TMEM63B: variants seen among roughly 807,000 people sequenced by gnomAD.
TMEM63B encodes transmembrane protein 63B.
A neutral mutation model predicts 102.6 loss-of-function variants in TMEM63B; 23 were observed. The ratio of observed to expected loss-of-function variants is 0.22; its 90% CI spans 0.16 to 0.32. TMEM63B has a LOEUF of 0.32. Ranked by LOEUF, TMEM63B falls within the 10% of genes least tolerant of loss-of-function variation. The pLI, the probability that TMEM63B is intolerant of heterozygous loss-of-function variation, is 1.00. For synonymous variants in TMEM63B, 444 were observed against 437.0 expected (o/e 1.02, Z -0.20); for missense variants, 628 against 1,095.9 (o/e 0.57, Z 6.03).
intron 10 of TMEM63B, among the ~76,000 whole-genome samples, chr6:44,141,358 T>C (rs1190918643): frequency 6.6e-6 from 1 of 152,230 alleles, no homozygotes; most frequent in Non-Finnish European, 1.5e-5. Flanking sequence ...TCCTCCTGGC[T>C]CAGACTGGGT....
At chr6:44,146,575 T>G (rs1765461240) in intron 10 of TMEM63B, among the ~76,000 whole-genome samples, 1 of 152,012 alleles carries the variant, frequency 6.6e-6, no homozygotes, top group African/African-American at 2.4e-5. Context: ...CTCAGCCTCC[T>G]GAGTAGCTGG....
At position 44,148,380 on chromosome 6, in the gene TMEM63B, C is replaced by T. The variant is rs368199758; in HGVS notation, c.1116C>T (p.Thr372=). The T allele has an allele frequency of 4.8e-5, 77 of 1,614,248 alleles. No homozygotes were observed. Among genetic ancestry groups the T allele is most frequent in the Non-Finnish European group, 6.1e-5 (72 of 1,180,040 alleles). ...TCACCTTCCACAATGAGACTATCAC[C>T]GCCATGTGAGTCCCCAACTCGGCCC... ...AFVTFHNETI[T]AIILKDFNVC... is the part of the protein sequence containing the mutation. The change falls in exon 13 of 24, where the codon ACC becomes ACT. Residue 372 remains threonine (T), a synonymous_variant. Coordinates refer to ENST00000323267, the MANE Select transcript of TMEM63B (RefSeq NM_018426.3). The surrounding 1 kb of genome is among the most constrained non-coding windows in gnomAD (Gnocchi z 5.1).
chr6:44,153,559 G>A lies in TMEM63B; in HGVS notation c.1943-117G>A, dbSNP rs573448260. 43 of 1,242,478 alleles carry A rather than the reference G, an allele frequency of 3.5e-5. No homozygotes were observed. The East Asian group carries it at 4.2e-4, about 12-fold the overall frequency. The allele number at this position is 1,242,478 out of a possible 1,614,324, so 77.0% of individuals were successfully genotyped here. ...GGGGCACTATCCCGTCCTGGGGCCC[G>A]GGCAGGAGGAGGGGGCCAACCCTTC... On this transcript the variant is annotated intron_variant, in intron 20 of 23. Coordinates refer to ENST00000323267, the MANE Select transcript of TMEM63B (RefSeq NM_018426.3).
intron 5 of TMEM63B, among the ~76,000 whole-genome samples, chr6:44,137,284 C>T: frequency 6.6e-6 from 1 of 152,182 alleles, no homozygotes; most frequent in Non-Finnish European, 1.5e-5. Context: ...CTGCCTGGCT[C>T]TCCATCATTA....
chr6:44,140,988 G>T (rs372108714), intron 9 of TMEM63B, 40 bp from the exon 10 acceptor site: 1 of 1,604,950 alleles, frequency 6.2e-7, no homozygotes. Context: ...CTCCACTGGG[G>T]TCAAGCCTCA....
At chr6:44,147,349 TA>T (rs750686971) in intron 11 of TMEM63B, 27 bp from the exon 12 acceptor site, 288 of 1,613,898 alleles carry the variant, frequency 1.8e-4, no homozygotes, top group Non-Finnish European at 2.4e-4. Flanking sequence ...GCCCCAGATG[TA>T]GGTGACCAGG....
In TMEM63B at chr6:44,139,077, C is replaced by G. The variant is rs112329727; in HGVS notation, c.408-390C>G. On this transcript the variant is annotated intron_variant, in intron 6 of 23. Coordinates refer to ENST00000323267, the MANE Select transcript of TMEM63B (RefSeq NM_018426.3). ...GCCTCTTTCACCACTCCTCCTCCTG[C>G]TGGTCCTCCTCCTCTCTTGCCTTCC... is the stretch of plus-strand genomic sequence containing the variant. 2,510 of 269,112 alleles carry G rather than the reference C, an allele frequency of 9.3e-3. 71 individuals carry two copies. Among genetic ancestry groups the G allele is most frequent in the African/African-American group, 0.048 (2,205 of 45,920 alleles). 16.7% of individuals were successfully genotyped at this position (269,112 alleles called of 1,614,324 possible). A position where few individuals can be genotyped will look rare whatever the true frequency, so the allele number is the denominator to read the frequency against.
chr6:44,151,803 G>A (rs779394715), intron 18 of TMEM63B, 43 bp from the exon 19 acceptor site: 5 of 1,538,420 alleles, frequency 3.3e-6, no homozygotes, highest in Non-Finnish European at 4.4e-6. Flanking sequence ...GCGGCCACCG[G>A]GTCACCCCAA....
intron 5 of TMEM63B, among the ~76,000 whole-genome samples, chr6:44,137,691 T>A (rs1763254530): frequency 4.6e-5 from 5 of 109,096 alleles, no homozygotes; most frequent in Admixed American, 4.2e-4. Context: ...AGGGGAGAGA[T>A]TTTTTTTTTT....
intron 1 of TMEM63B, among the ~76,000 whole-genome samples, chr6:44,133,281 T>G (rs946532381): frequency 6.6e-6 from 1 of 152,198 alleles, no homozygotes; most frequent in Non-Finnish European, 1.5e-5. Context: ...TCTGAGGGCT[T>G]CTGCCTCTTG....
chr6:44,130,157 G>A (rs981623065), intron 1 of TMEM63B, among the ~76,000 whole-genome samples: 1 of 152,212 alleles, frequency 6.6e-6, no homozygotes, highest in Non-Finnish European at 1.5e-5. Context: ...CCTGGTGGAA[G>A]TGGCTCTTGT....
At position 44,148,104 on chromosome 6, in the gene TMEM63B, C is replaced by G. The variant is rs1765801364; in HGVS notation, c.988-148C>G. 8.2e-7 allele frequency: 1 copy of G among 1,219,066 alleles called. No individual in the cohort carries two copies. Among genetic ancestry groups the G allele is most frequent in the African/African-American group, 1.5e-5 (1 of 65,598 alleles). The allele number at this position is 1,219,066 out of a possible 1,614,324, so 75.5% of individuals were successfully genotyped here. On this transcript the variant is annotated intron_variant, in intron 12 of 23. Coordinates refer to ENST00000323267, the MANE Select transcript of TMEM63B (RefSeq NM_018426.3). This position sits in a 1 kb window ranked among gnomAD's most constrained non-coding sequence, Gnocchi z 5.1. ...CACCACTACACTCCAGCCTGGGCAT[C>G]AGAGCGAGACGCTGTTTCCAAAAAA... is the stretch of plus-strand genomic sequence containing the variant.
Position 44,153,859 on chromosome 6 carries a change from C to A in TMEM63B, c.2110+16C>A. On this transcript the variant is annotated intron_variant, in intron 21 of 23. Transcript: ENST00000323267. ...ATGCGCACGGGTGAGGGATCCCTACCCAGGGAACGGGGGGTGGCGAGCAGA... is the reference window on the plus strand; with the variant it reads ...ATGCGCACGGGTGAGGGATCCCTACACAGGGAACGGGGGGTGGCGAGCAGA... The A allele has an allele frequency of 6.2e-7, 1 of 1,609,646 alleles. No homozygotes were observed. Among genetic ancestry groups the A allele is most frequent in the Non-Finnish European group, 8.5e-7 (1 of 1,177,352 alleles).
intron 10 of TMEM63B, among the ~76,000 whole-genome samples, chr6:44,144,063 G>T (rs948409654): frequency 6.6e-6 from 1 of 152,174 alleles, no homozygotes; most frequent in African/African-American, 2.4e-5. Flanking sequence ...TATAAGCAGG[G>T]GTAAGGGAGA....
At position 44,138,502 on chromosome 6, in the gene TMEM63B, C is replaced by T. The variant is rs1714221227; in HGVS notation, c.392C>T (p.Ala131Val). The T allele has an allele frequency of 6.2e-7, 1 of 1,614,020 alleles. No homozygotes were observed. Among genetic ancestry groups the T allele is most frequent in the South Asian group, 1.1e-5 (1 of 91,086 alleles). The part of the protein sequence containing the change: ...RDNGFCSWLT[A>V]IFRIKDDEIR... ...CAGGGTTTCTGTTCCTGGCTGACAGCCATCTTCAGGATAAAGTAAGTGGAC... is the reference window on the plus strand; with the variant it reads ...CAGGGTTTCTGTTCCTGGCTGACAGTCATCTTCAGGATAAAGTAAGTGGAC... Residue 131 changes from alanine (A) to valine (V), a missense_variant, in exon 6 of 24, where the codon GCC (alanine) becomes GTC (valine). Coordinates refer to ENST00000323267, the MANE Select transcript of TMEM63B (RefSeq NM_018426.3).
chr6:44,139,632 AGGGTGGAGAGAG>A, intron 7 of TMEM63B, 23 bp downstream of exon 7: 1 of 1,614,180 alleles, frequency 6.2e-7, no homozygotes, highest in Middle Eastern at 1.6e-4. Flanking sequence ...CAGGACGGCT[AGGGTGGAGAGAG>A]GATGGGGCTG....
Position 44,148,265 on chromosome 6 carries a change from A to C in TMEM63B, c.1001A>C (p.Glu334Ala). The C allele has an allele frequency of 6.2e-7, 1 of 1,614,240 alleles. No homozygotes were observed. Among genetic ancestry groups the C allele is most frequent in the Non-Finnish European group, 8.5e-7 (1 of 1,180,030 alleles). ...VRGCEQVEAI[E>A]YYTKLEQKLK... is the part of the protein sequence containing the mutation. The stretch of plus-strand genomic sequence containing the variant: ...CCTCCCACAAAGGTGGAGGCCATTG[A>C]GTACTACACAAAGCTGGAGCAGAAG... Residue 334 changes from glutamate (E) to alanine (A), a missense_variant, in exon 13 of 24, where the codon GAG becomes GCG. Glu to Ala is a moderately radical substitution (Grantham distance 107). Transcript: ENST00000323267. The surrounding 1 kb of genome is among the most constrained non-coding windows in gnomAD (Gnocchi z 5.1).
Position 44,152,666 on chromosome 6 carries a change from A to G in TMEM63B, c.1910A>G (p.Tyr637Cys). Reference protein sequence around the residue: ...MMCVFTVVMTYSITCPIIVPF... With the variant: ...MMCVFTVVMTCSITCPIIVPF... ...TGCGTCTTCACGGTGGTCATGACCT[A>G]CAGTATCACCTGCCCCATCATCGTG... The change falls in exon 20 of 24, where the codon TAC (tyrosine) becomes TGC (cysteine). Residue 637 changes from tyrosine to cysteine, a missense_variant. By Grantham distance (194) the Tyr-to-Cys change is radical. Around this residue, in one of 6 missense-constraint regions of TMEM63B, gnomAD observed 90 missense variants for 136.7 expected, o/e 0.66. Transcript: ENST00000323267. This position sits in a 1 kb window ranked among gnomAD's most constrained non-coding sequence, Gnocchi z 6.4. The G allele has an allele frequency of 1.2e-6, 2 of 1,607,382 alleles. No individual in the cohort carries two copies. The highest frequency in any genetic ancestry group is 1.7e-6 in the Non-Finnish European group (2 of 1,179,818).
intron 1 of TMEM63B, among the ~76,000 whole-genome samples, chr6:44,133,397 G>A (rs1374283818): frequency 1.3e-5 from 2 of 152,158 alleles, no homozygotes; most frequent in African/African-American, 4.8e-5. Flanking sequence ...TAGTTTTGTT[G>A]TTCTCTTTGG....
Sources: allele counts gnomAD v4.1 joint callset (sites outside exome capture counted in the v4.1 genomes callset), GRCh38; gene constraint gnomAD v4.1.1; regional missense constraint gnomAD v4.1.1; non-coding constraint Gnocchi (gnomAD v3.1); transcripts MANE v1.5; gene names NCBI Gene and HGNC (gene_info 2026-07-23, HGNC 2026-07-21).